The following RPL7 variants were observed in gnomAD, a reference collection of about 807,000 sequenced individuals.
The protein encoded by RPL7 is large ribosomal subunit protein uL30.
For synonymous variants in RPL7, 100 were observed against 102.2 expected (o/e 0.98, Z 0.13); for missense variants, 205 against 301.9 (o/e 0.68, Z 2.38).
chr8:73,293,470 AC>A, intron 1 of RPL7, 128 bp downstream of exon 1: 1 of 1,178,114 alleles, frequency 8.5e-7, no homozygotes, highest in African/African-American at 1.6e-5. Flanking sequence ...CTGGTGTCAC[AC>A]AGCGTTCACA....
At chr8:73,293,027 G>A in intron 1 of RPL7, 2 of 384,676 alleles carry the variant, frequency 5.2e-6, no homozygotes, top group East Asian at 3.8e-5. Flanking sequence ...ATAGCAATAC[G>A]TTTTTCCCTA....
intron 1 of RPL7, chr8:73,293,105 CGAATAACAAAATGTACTAGCTGAAA>C (rs954303496): frequency 3.1e-5 from 9 of 293,528 alleles, no homozygotes; most frequent in African/African-American, 2.0e-4. Context: ...CACCAACACC[CGAATAACAAAATGTACTAGCTGAAA>C]GACTACTGCA....
Position 73,292,767 on chromosome 8 carries a change from T to C in RPL7, c.45A>G (p.Pro15=), listed in dbSNP as rs1814134039. The C allele has an allele frequency of 6.2e-7, 1 of 1,613,418 alleles. No individual in the cohort carries two copies. Among genetic ancestry groups the C allele is most frequent in the South Asian group, 1.1e-5 (1 of 90,904 alleles). ...TCCTTCGCTTTTTCTTAAGGGTTTC[T>C]GGCACAGCAGGAACCTCCTTCTTCT... ...EEKKKEVPAV[P]ETLKKKRRNF... is the part of the protein sequence containing the mutation. The change falls in exon 2 of 7, where the codon CCA becomes CCG. Residue 15 remains proline (P), a synonymous_variant. Transcript: ENST00000352983.
chr8:73,294,462 C>T (rs1487431298), upstream of RPL7: 15 of 144,292 alleles, frequency 1.0e-4, no homozygotes, highest in Non-Finnish European at 2.0e-4. Context: ...GCTCCGCGGA[C>T]GGCTGGCGGG....
chr8:73,293,754 G>C (rs1814174182), upstream of RPL7: 3 of 955,954 alleles, frequency 3.1e-6, no homozygotes, highest in Non-Finnish European at 4.8e-6. Context: ...CAGACGCAAA[G>C]AACTCCCTGA....
intron 2 of RPL7, 88 bp downstream of exon 2, chr8:73,292,601 G>A (rs1435905751): frequency 1.8e-6 from 2 of 1,112,738 alleles, no homozygotes; most frequent in Non-Finnish European, 2.6e-6. Context: ...GTACAGTTAG[G>A]AAGTAAATCT....
In RPL7 at chr8:73,291,541, A is replaced by G. The variant is rs372121258; in HGVS notation, c.538+11T>C. The G allele has an allele frequency of 3.9e-5, 62 of 1,584,176 alleles. No individual in the cohort carries two copies. The highest frequency in any genetic ancestry group is 5.0e-5 in the Non-Finnish European group (58 of 1,158,930). On this transcript the variant is annotated intron_variant, in intron 5 of 6. Transcript: ENST00000352983. The stretch of plus-strand genomic sequence containing the variant: ...GGTCTAATACCAAATTTTCCCCCAA[A>G]TAGAACCTACCAAGAGATCGAGCAA...
Position 73,290,296 on chromosome 8 carries a change from G to C in RPL7, c.*411C>G, listed in dbSNP as rs575865453. 3 of 152,184 alleles carry C rather than the reference G, an allele frequency of 2.0e-5. No homozygotes were observed. Among genetic ancestry groups the C allele is most frequent in the Admixed American group, 2.0e-4 (3 of 15,298 alleles). 9.4% of individuals were successfully genotyped at this position (152,184 alleles called of 1,614,324 possible). On this transcript the variant is annotated 3_prime_UTR_variant, in exon 7 of 7. Coordinates refer to ENST00000352983, the MANE Select transcript of RPL7 (RefSeq NM_000971.4). ...CATGGCAGTTTATAAACAAGCGAAG[G>C]CCCGAGAAATAAATTTTAGCAACTA... is the stretch of plus-strand genomic sequence containing the variant.
intron 1 of RPL7, chr8:73,293,319 C>T: frequency 2.1e-6 from 1 of 466,570 alleles, no homozygotes; most frequent in Non-Finnish European, 3.9e-6. Context: ...TGCGCCTCCC[C>T]CGAAAGACCC....
rs374269827 is a variant in RPL7, at chr8:73,293,605, C to A, written c.8G>T (p.Gly3Val). 12 of 1,613,920 alleles carry A rather than the reference C, an allele frequency of 7.4e-6. No individual in the cohort carries two copies. Among genetic ancestry groups the A allele is most frequent in the African/African-American group, 4.0e-5 (3 of 75,024 alleles). ...AGGACCAGAAGCAACTCACTCTACACCCTCCATGGTTCCAGCCGGAAAAAG... is the reference window on the plus strand; with the variant it reads ...AGGACCAGAAGCAACTCACTCTACAACCTCCATGGTTCCAGCCGGAAAAAG... MEGVEEKKKEVPA... is the reference protein window; with the variant it reads MEVVEEKKKEVPA... The change falls in exon 1 of 7, where the codon GGT (glycine) becomes GTT (valine). Residue 3 changes from glycine to valine, a missense_variant. By Grantham distance (109) the Gly-to-Val change is moderately radical (BLOSUM62 -3). Coordinates refer to ENST00000352983, the MANE Select transcript of RPL7 (RefSeq NM_000971.4).
In RPL7 at chr8:73,292,283, A is replaced by G. The variant is rs367963609; in HGVS notation, c.246T>C (p.Tyr82=). The G allele has an allele frequency of 1.5e-4, 237 of 1,613,026 alleles. No individual in the cohort carries two copies. The highest frequency in any genetic ancestry group is 1.8e-5 in the Non-Finnish European group (21 of 1,179,842). Residue 82 remains tyrosine (Y), a synonymous_variant, in exon 3 of 7, where the codon TAT becomes TAC. Coordinates refer to ENST00000352983, the MANE Select transcript of RPL7 (RefSeq NM_000971.4). The part of the protein sequence containing the change: ...ARMARKAGNF[Y]VPAEPKLAFV... ...ACGCCAATTTGGGTTCTGCAGGTACATAGAAGTTGCCAGCTTTTCTTGCCA... is the reference window on the plus strand; with the variant it reads ...ACGCCAATTTGGGTTCTGCAGGTACGTAGAAGTTGCCAGCTTTTCTTGCCA...
upstream of RPL7, chr8:73,293,956 G>T (rs1814182330): frequency 3.8e-6 from 1 of 266,094 alleles, no homozygotes; most frequent in South Asian, 3.8e-5. Context: ...GCCTCATGGG[G>T]ACGAACTACA....
chr8:73,290,257 AAAC>A lies in RPL7; in HGVS notation c.*447_*449del, dbSNP rs1229726019. The A allele has an allele frequency of 6.6e-6, 1 of 152,232 alleles. No homozygotes were observed. Among genetic ancestry groups the A allele is most frequent in the Non-Finnish European group, 1.5e-5 (1 of 68,044 alleles). 9.4% of individuals were successfully genotyped at this position (152,232 alleles called of 1,614,324 possible). On this transcript the variant is annotated 3_prime_UTR_variant, in exon 7 of 7. Transcript: ENST00000352983. ...AACACAAAAATGGAATGCAAAAGGA[AAAC>A]AACACATTTACATGGCAGTTTATAA...
rs1447038703 is a variant in RPL7, at chr8:73,293,084, C to A, written c.15-287G>T. On this transcript the variant is annotated intron_variant, in intron 1 of 6. Transcript: ENST00000352983. ...TCCGACGACTAATTAAAAAAAAAAA[C>A]AAAAAAAACACACCAACACCCGAAT... is the stretch of plus-strand genomic sequence containing the variant. 1.2e-4 allele frequency: 36 copies of A among 293,260 alleles called. 1 individual carries two copies. Among genetic ancestry groups the A allele is most frequent in the Middle Eastern group, 9.6e-4 (1 of 1,042 alleles). 18.2% of individuals were successfully genotyped at this position (293,260 alleles called of 1,614,324 possible). A position where few individuals can be genotyped will look rare whatever the true frequency, so the allele number is the denominator to read the frequency against.
At chr8:73,291,328 T>G in intron 5 of RPL7, 76 bp from the exon 6 acceptor site, 2 of 1,213,888 alleles carry the variant, frequency 1.6e-6, no homozygotes, top group Non-Finnish European at 1.2e-6. Flanking sequence ...TCTTTTTGAA[T>G]AGGCTGTGAG....
At chr8:73,293,445 A>C (rs1380384797) in intron 1 of RPL7, 154 bp downstream of exon 1, 1 of 903,258 alleles carries the variant, frequency 1.1e-6, no homozygotes, top group Non-Finnish European at 1.7e-6. Flanking sequence ...TCCCAACCCT[A>C]GCCTCAGGTC....
In RPL7 at chr8:73,292,529, T is replaced by C. The variant is rs550560733; in HGVS notation, c.124-124A>G. The C allele has an allele frequency of 4.3e-4, 462 of 1,081,548 alleles. 3 individuals carry two copies. In the Middle Eastern group the frequency reaches 6.7e-3, roughly 16 times the overall value. 67.0% of individuals were successfully genotyped at this position (1,081,548 alleles called of 1,614,324 possible). A position where few individuals can be genotyped will look rare whatever the true frequency, so the allele number is the denominator to read the frequency against. Reference sequence around the variant, plus strand: ...TTTCTTGCCACAGTATGCAATTACATCCCCCACCAAAAAACCCCACTACCT... The same window carrying C: ...TTTCTTGCCACAGTATGCAATTACACCCCCCACCAAAAAACCCCACTACCT... On this transcript the variant is annotated intron_variant, in intron 2 of 6. Transcript: ENST00000352983.
rs1399972665 is a variant in RPL7 at position 73,291,192 on chromosome 8, C to A, written c.599G>T (p.Arg200Leu). The A allele has an allele frequency of 6.2e-7, 1 of 1,610,388 alleles. No individual in the cohort carries two copies. Among genetic ancestry groups the A allele is most frequent in the Non-Finnish European group, 8.5e-7 (1 of 1,176,780 alleles). Reference protein sequence around the residue: ...LIHEIYTVGKRFKEANNFLWP... With the variant: ...LIHEIYTVGKLFKEANNFLWP... The stretch of plus-strand genomic sequence containing the variant: ...CAGGAAGTTATTTGCCTCTTTGAAG[C>A]GTTTTCCAACAGTATAGATCTCATG... Residue 200 changes from arginine to leucine, a missense_variant, in exon 6 of 7, where the codon CGC (arginine) becomes CTC (leucine). Arg to Leu is a moderately radical substitution (Grantham distance 102). Transcript: ENST00000352983.
At chr8:73,292,468 T>C in intron 2 of RPL7, 63 bp from the exon 3 acceptor site, 1 of 1,434,676 alleles carries the variant, frequency 7.0e-7, no homozygotes, top group South Asian at 1.3e-5. Flanking sequence ...ATGCCAATCA[T>C]TAAAAAGAAA....
Sources: gnomAD v4.1 joint callset for allele counts on GRCh38, gnomAD v4.1.1 for gene constraint, MANE v1.5 for transcripts, NCBI Gene and HGNC (gene_info 2026-07-23, HGNC 2026-07-21) for gene names.